DTWD2: variants seen among roughly 807,000 people sequenced by gnomAD.
DTWD2 encodes tRNA-uridine aminocarboxypropyltransferase 2.
A neutral mutation model predicts 31.8 loss-of-function variants in DTWD2; 39 were observed. The ratio of observed to expected loss-of-function variants is 1.22; its 90% CI spans 0.95 to 1.60. The LOEUF is 1.60. Ranked by LOEUF, DTWD2 falls within the 40% of genes most tolerant of loss-of-function variation. The pLI, the probability that DTWD2 is intolerant of heterozygous loss-of-function variation, is 0.00. For missense variants in DTWD2, 515 were observed against 381.5 expected (o/e 1.35, Z -2.92); for synonymous variants, 180 against 142.8 (o/e 1.26, Z -1.86).
chr5:118,988,103 C>G lies in DTWD2; in HGVS notation c.218+191G>C, dbSNP rs924530450. 3.1e-5 allele frequency: 23 copies of G among 742,646 alleles called. No individual in the cohort carries two copies. The African/African-American group carries it at 4.0e-4, about 13-fold the overall frequency. 46.0% of individuals were successfully genotyped at this position (742,646 alleles called of 1,614,324 possible). A position where few individuals can be genotyped will look rare whatever the true frequency, so the allele number is the denominator to read the frequency against. On this transcript the variant is annotated intron_variant, in intron 1 of 5. Transcript: ENST00000510708. ...ATTGCAGGAAGTAAGGTTAGATAATCATGAACCTGGAAAAAGGGCTTCTTA... is the reference window on the plus strand; with the variant it reads ...ATTGCAGGAAGTAAGGTTAGATAATGATGAACCTGGAAAAAGGGCTTCTTA...
chr5:118,871,097 T>C (rs1752491632), intron 4 of DTWD2, among the ~76,000 whole-genome samples: 1 of 152,258 alleles, frequency 6.6e-6, no homozygotes, highest in East Asian at 1.9e-4. Flanking sequence ...GTAGATTCCA[T>C]CTCAAGAAAC....
chr5:118,963,841 T>C (rs1380555795), intron 1 of DTWD2, among the ~76,000 whole-genome samples: 1 of 152,184 alleles, frequency 6.6e-6, no homozygotes, highest in Admixed American at 6.5e-5. Context: ...GTTTCTTCCC[T>C]TAAAGATCCT....
chr5:118,892,458 T>C (rs1206095040), intron 4 of DTWD2, among the ~76,000 whole-genome samples: 2 of 152,178 alleles, frequency 1.3e-5, no homozygotes, highest in African/African-American at 4.8e-5. Flanking sequence ...TAATGAGGTA[T>C]GACAGAAATT....
At chr5:118,896,321 T>C (rs1753082574) in intron 4 of DTWD2, among the ~76,000 whole-genome samples, 1 of 152,302 alleles carries the variant, frequency 6.6e-6, no homozygotes, top group South Asian at 2.1e-4. Flanking sequence ...CATGCTTCCA[T>C]AGTTCTTCTG....
intron 1 of DTWD2, 95 bp from the exon 2 acceptor site, chr5:118,944,744 A>G: frequency 8.7e-7 from 1 of 1,148,458 alleles, no homozygotes; most frequent in Non-Finnish European, 1.2e-6. Flanking sequence ...CATTTATACA[A>G]AGAGGTTTGC....
intron 4 of DTWD2, among the ~76,000 whole-genome samples, chr5:118,865,447 A>C (rs529826851): frequency 6.6e-6 from 1 of 152,302 alleles, no homozygotes; most frequent in East Asian, 1.9e-4. Flanking sequence ...TATGTAAAAA[A>C]AAAATAAATA....
At chr5:118,932,694 T>C (rs575736321) in intron 3 of DTWD2, among the ~76,000 whole-genome samples, 40 of 152,240 alleles carry the variant, frequency 2.6e-4, no homozygotes, top group African/African-American at 9.4e-4. Flanking sequence ...GGCACACCTG[T>C]TCAGAGGGAC....
chr5:118,863,594 T>C (rs1224445133), intron 4 of DTWD2, among the ~76,000 whole-genome samples: 1 of 152,198 alleles, frequency 6.6e-6, no homozygotes, highest in Non-Finnish European at 1.5e-5. Flanking sequence ...AAGAGACCTA[T>C]GACTTTTAAG....
chr5:118,901,968 C>T (rs531839036), intron 4 of DTWD2, among the ~76,000 whole-genome samples: 13 of 152,200 alleles, frequency 8.5e-5, no homozygotes, highest in African/African-American at 2.2e-4. Flanking sequence ...TTGACTATAA[C>T]CTCCAATTCT....
Position 118,840,866 on chromosome 5 carries a change from T to A in DTWD2, c.*51A>T, listed in dbSNP as rs1464885632. 3.2e-6 allele frequency: 5 copies of A among 1,563,956 alleles called. No homozygotes were observed. The highest frequency in any genetic ancestry group is 1.2e-5 in the South Asian group (1 of 81,544). On this transcript the variant is annotated 3_prime_UTR_variant, in exon 6 of 6. Coordinates refer to ENST00000510708, the MANE Select transcript of DTWD2 (RefSeq NM_173666.4). ...GACCTTAACTATATGAAAACTTAAT[T>A]TGGTATTGTTAGATGAAGACAGTTA...
At chr5:118,955,798 T>TAA (rs70982460) in intron 1 of DTWD2, among the ~76,000 whole-genome samples, 2 of 138,716 alleles carry the variant, frequency 1.4e-5, no homozygotes, top group East Asian at 2.1e-4. Context: ...CCCTATCTCT[T>TAA]AAAAAAAAAA....
intron 4 of DTWD2, among the ~76,000 whole-genome samples, chr5:118,912,520 A>C (rs1753479424): frequency 6.6e-6 from 1 of 152,172 alleles, no homozygotes; most frequent in Non-Finnish European, 1.5e-5. Flanking sequence ...CAGTTCCTCA[A>C]ACATGCGGAG....
intron 4 of DTWD2, among the ~76,000 whole-genome samples, chr5:118,909,853 C>G (rs1187500483): frequency 6.6e-6 from 1 of 152,218 alleles, no homozygotes; most frequent in East Asian, 1.9e-4. Flanking sequence ...ACTTAGCACT[C>G]CATGCCACTA....
chr5:118,967,930 A>ACTC (rs1227034804), intron 1 of DTWD2, among the ~76,000 whole-genome samples: 3 of 152,224 alleles, frequency 2.0e-5, no homozygotes, highest in African/African-American at 7.2e-5. Context: ...TACAAAGGGA[A>ACTC]CAGGAGTAAC....
In DTWD2 at chr5:118,983,876, G is replaced by A. The variant is rs138609070; in HGVS notation, c.218+4418C>T. ...ATTTAAAAGCAAACAGTAGCTGGGC[G>A]CGGTGGCTCTCACCTGTAATCCCAG... On this transcript the variant is annotated intron_variant, in intron 1 of 5. Coordinates refer to ENST00000510708, the MANE Select transcript of DTWD2 (RefSeq NM_173666.4). Among the ~76,000 whole-genome samples the A allele has an allele frequency of 2.3e-3, 343 of 152,308 alleles. 1 individual carries two copies. Among genetic ancestry groups the A allele is most frequent in the African/African-American group, 7.4e-3 (308 of 41,564 alleles).
chr5:118,983,535 A>G (rs183194964), intron 1 of DTWD2, among the ~76,000 whole-genome samples: 148 of 150,790 alleles, frequency 9.8e-4, no homozygotes, highest in African/African-American at 3.5e-3. Flanking sequence ...CTCTCTTATG[A>G]TGTTCCTCCC....
At chr5:118,916,483 T>G (rs751360798) in intron 4 of DTWD2, among the ~76,000 whole-genome samples, 1 of 151,968 alleles carries the variant, frequency 6.6e-6, no homozygotes, top group Non-Finnish European at 1.5e-5. Flanking sequence ...CTGATCAACA[T>G]GAAGAAACCC....
intron 1 of DTWD2, among the ~76,000 whole-genome samples, chr5:118,947,907 T>C (rs1405398120): frequency 6.6e-6 from 1 of 152,224 alleles, no homozygotes; most frequent in Non-Finnish European, 1.5e-5. Flanking sequence ...GGAACTTCAG[T>C]TATATTGTGG....
intron 5 of DTWD2, among the ~76,000 whole-genome samples, chr5:118,846,003 C>G (rs1425259655): frequency 1.3e-5 from 2 of 152,004 alleles, no homozygotes; most frequent in Non-Finnish European, 2.9e-5. Context: ...AGAAGAGGCC[C>G]TAAAACAACG....
Sources: gnomAD v4.1 joint callset for allele counts (sites outside exome capture counted in the v4.1 genomes callset) on GRCh38, gnomAD v4.1.1 for gene constraint, MANE v1.5 for transcripts, NCBI Gene and HGNC (gene_info 2026-07-23, HGNC 2026-07-21) for gene names.